CCDC82: variants seen among roughly 807,000 people sequenced by gnomAD.
CCDC82 encodes the protein coiled-coil domain containing 82.
CCDC82 carries 47 observed loss-of-function variants against 60.6 expected under a neutral mutation model. The observed-to-expected ratio is 0.77, with a 90% confidence interval of 0.61 to 0.99. The LOEUF (loss-of-function observed/expected upper bound fraction) is 0.99. Among genes scored for constraint, CCDC82 ranks in the 50% least tolerant of loss-of-function variants. The probability of loss-of-function intolerance (pLI) is 0.00; values close to 1 mark genes in which losing one functional copy is unlikely to be tolerated. For missense variants in CCDC82, 588 were observed against 633.0 expected (o/e 0.93, Z 0.76); for synonymous variants, 212 against 207.4 (o/e 1.02, Z -0.19).
intron 6 of CCDC82, among the ~76,000 whole-genome samples, chr11:96,372,506 T>C (rs891577018): frequency 6.6e-6 from 1 of 151,386 alleles, no homozygotes; most frequent in Non-Finnish European, 1.5e-5. Flanking sequence ...AGACATTCAA[T>C]AAATATTTGT....
At chr11:96,369,392 CTTTAGA>C (rs1254192830) in intron 7 of CCDC82, among the ~76,000 whole-genome samples, 6 of 152,174 alleles carry the variant, frequency 3.9e-5, no homozygotes, top group Admixed American at 6.5e-5. Flanking sequence ...TCATTTCTCA[CTTTAGA>C]TTTAAAGTGA....
intron 9 of CCDC82, chr11:96,355,941 A>C (rs762720857): frequency 6.6e-6 from 1 of 152,070 alleles, no homozygotes; most frequent in Non-Finnish European, 1.5e-5. Flanking sequence ...AGAATATAAG[A>C]GAAGTTTGGA....
chr11:96,367,039 A>C (rs1864987997), intron 7 of CCDC82, among the ~76,000 whole-genome samples: 2 of 152,230 alleles, frequency 1.3e-5, no homozygotes, highest in South Asian at 4.1e-4. Context: ...TTTAGGTCTA[A>C]AAAATGCTAA....
intron 7 of CCDC82, among the ~76,000 whole-genome samples, chr11:96,370,359 C>T (rs1489871035): frequency 1.3e-5 from 2 of 152,090 alleles, no homozygotes; most frequent in Admixed American, 1.3e-4. Context: ...TATTAAAGAT[C>T]ATAAAATAGA....
chr11:96,389,569 C>T (rs956629626), intron 1 of CCDC82: 2 of 152,314 alleles, frequency 1.3e-5, no homozygotes, highest in African/African-American at 4.8e-5. Flanking sequence ...GCCAGAAACC[C>T]GAGAAATCAC....
chr11:96,369,420 C>G (rs76175582), intron 7 of CCDC82, among the ~76,000 whole-genome samples: 7 of 152,320 alleles, frequency 4.6e-5, no homozygotes, highest in Non-Finnish European at 1.0e-4. Flanking sequence ...AGACCTGCAA[C>G]TCTTCCTTTC....
rs531138852 is a variant in CCDC82, at chr11:96,356,812, G to A, written c.1566+2181C>T. 694 of 985,234 alleles carry A rather than the reference G, an allele frequency of 7.0e-4. 2 individuals are homozygous for A. Among genetic ancestry groups the A allele is most frequent in the Non-Finnish European group, 8.1e-4 (674 of 829,894 alleles). The allele number at this position is 985,234 out of a possible 1,614,324, so 61.0% of individuals were successfully genotyped here. On this transcript the variant is annotated intron_variant, in intron 9 of 9. Coordinates refer to ENST00000646818, the MANE Select transcript of CCDC82 (RefSeq NM_024725.4). ...AGAATGAAGTCAGTCTAGTTGGCAT[G>A]TCTTTGGGAAGACATGCTGAGACAT...
At chr11:96,378,558 G>A (rs1865709969) in intron 5 of CCDC82, among the ~76,000 whole-genome samples, 1 of 151,872 alleles carries the variant, frequency 6.6e-6, no homozygotes. Context: ...AGACTAAGTG[G>A]ATGTTCACTT....
chr11:96,368,175 T>C (rs1591182197), intron 7 of CCDC82, among the ~76,000 whole-genome samples: 1 of 152,160 alleles, frequency 6.6e-6, no homozygotes, highest in Non-Finnish European at 1.5e-5. Flanking sequence ...CCTTGATCCA[T>C]AGGCTGCAGA....
intron 8 of CCDC82, chr11:96,363,035 T>A (rs1864751164): frequency 6.6e-6 from 1 of 151,936 alleles, no homozygotes; most frequent in Non-Finnish European, 1.5e-5. Context: ...CGATCTCGGA[T>A]CACTGCAGGC....
rs551824338 is a variant in CCDC82 at position 96,354,845 on chromosome 11, CTG to C, written c.1567-1133_1567-1132del. ...CTAGTTTCTTGACTCTGTTTATGAA[CTG>C]TGTTTTAATCTTCAGTGAAATGAGA... On this transcript the variant is annotated intron_variant, in intron 9 of 9. Coordinates refer to ENST00000646818, the MANE Select transcript of CCDC82 (RefSeq NM_024725.4). The C allele has an allele frequency of 1.8e-4, 28 of 152,274 alleles. No homozygotes were observed. The East Asian group carries it at 5.2e-3, about 28-fold the overall frequency. 9.4% of individuals were successfully genotyped at this position (152,274 alleles called of 1,614,324 possible).
chr11:96,358,969 A>G lies in CCDC82; in HGVS notation c.1566+24T>C, dbSNP rs375908487. The G allele has an allele frequency of 8.2e-4, 1,282 of 1,555,662 alleles. 19 individuals are homozygous for G. In the South Asian group the frequency reaches 0.015, roughly 18 times the overall value. Reference sequence around the variant, plus strand: ...AATTAGCCTTCAGAATCTACATGATAAGATTCTCATATATTCACCTTACCT... The same window carrying G: ...AATTAGCCTTCAGAATCTACATGATGAGATTCTCATATATTCACCTTACCT... On this transcript the variant is annotated intron_variant, in intron 9 of 9. Coordinates refer to ENST00000646818, the MANE Select transcript of CCDC82 (RefSeq NM_024725.4).
chr11:96,387,169 T>G (rs1866242609), intron 2 of CCDC82: 1 of 152,200 alleles, frequency 6.6e-6, no homozygotes, highest in Admixed American at 6.5e-5. Flanking sequence ...CAATGACAAA[T>G]ATGGTTGCAG....
chr11:96,358,616 T>C, intron 9 of CCDC82: 1 of 1,235,570 alleles, frequency 8.1e-7, no homozygotes, highest in Non-Finnish European at 1.0e-6. Context: ...TCACAAGAAC[T>C]GTTCTAAAGA....
At chr11:96,380,085 G>C (rs1245449594) in intron 5 of CCDC82, among the ~76,000 whole-genome samples, 1 of 151,664 alleles carries the variant, frequency 6.6e-6, no homozygotes, top group Non-Finnish European at 1.5e-5. Flanking sequence ...GACAATACCT[G>C]GTTAATATAA....
At chr11:96,362,816 G>T (rs1864734037) in intron 8 of CCDC82, among the ~76,000 whole-genome samples, 1 of 152,110 alleles carries the variant, frequency 6.6e-6, no homozygotes, top group South Asian at 2.1e-4. Flanking sequence ...GCTGTTAAGT[G>T]AATTCCTTAA....
At chr11:96,376,839 T>C (rs1865602427) in intron 5 of CCDC82, among the ~76,000 whole-genome samples, 1 of 152,186 alleles carries the variant, frequency 6.6e-6, no homozygotes, top group African/African-American at 2.4e-5. Context: ...AAGAGAACCA[T>C]TGAGATTTAC....
intron 1 of CCDC82, chr11:96,387,964 A>C (rs1389058158): frequency 6.6e-6 from 1 of 152,250 alleles, no homozygotes; most frequent in Non-Finnish European, 1.5e-5. Flanking sequence ...GGAAAACTGC[A>C]GAATTTGAAT....
chr11:96,355,928 G>A (rs1437776505), intron 9 of CCDC82: 8 of 152,104 alleles, frequency 5.3e-5, no homozygotes, highest in Non-Finnish European at 1.2e-4. Flanking sequence ...TGGGAAAGAG[G>A]TCAGAATATA....
Sources: gnomAD v4.1 joint callset for allele counts (sites outside exome capture counted in the v4.1 genomes callset) on GRCh38, gnomAD v4.1.1 for gene constraint, MANE v1.5 for transcripts, NCBI Gene and HGNC (gene_info 2026-07-23, HGNC 2026-07-21) for gene names.